Variants in FHIP2A observed in about 807,000 individuals in gnomAD.
FHIP2A encodes the protein FHF complex subunit HOOK interacting protein 2A, also known as family with sequence similarity 160 member B1.
A neutral mutation model predicts 93.5 loss-of-function variants in FHIP2A; 46 were observed. The observed-to-expected ratio is 0.49, with a 90% CI of 0.39 to 0.63. The LOEUF is 0.63. FHIP2A is among the 20% of genes least tolerant of loss of function. The pLI, the probability that FHIP2A is intolerant of heterozygous loss-of-function variation, is 0.00. For missense variants in FHIP2A, 769 were observed against 909.7 expected, an observed-to-expected ratio of 0.85 and a Z score of 1.99; for synonymous variants, 332 against 326.5, an observed-to-expected ratio of 1.02 and a Z score of -0.18.
At chr10:114,859,603 A>G (rs894477935) in intron 14 of FHIP2A, among the ~76,000 whole-genome samples, 3 of 152,216 alleles carry the variant, frequency 2.0e-5, no homozygotes, top group African/African-American at 7.2e-5. Context: ...TAGAAGAAGC[A>G]AACTGGAAGG....
downstream of FHIP2A, among the ~76,000 whole-genome samples, chr10:114,865,442 A>T (rs1224526732): frequency 6.6e-6 from 1 of 152,306 alleles, no homozygotes; most frequent in East Asian, 1.9e-4. Context: ...ACAAACATGT[A>T]ATACACAGCA....
At chr10:114,879,415 T>C (rs1012649290) in intron 16 of FHIP2A, among the ~76,000 whole-genome samples, 18 of 53,266 alleles carry the variant, frequency 3.4e-4, no homozygotes, top group African/African-American at 1.1e-3. Flanking sequence ...ATCTAAAAAA[T>C]GCAATTATAC....
Position 114,864,190 on chromosome 10 carries a change from AT to A in FHIP2A, c.*2654del, listed in dbSNP as rs1183231541. On this transcript the variant is annotated 3_prime_UTR_variant, in exon 17 of 17. Transcript: ENST00000369248. ...GCTAGTGTAAACATTGTTACACTTA[AT>A]TTTACAGGGCACAAATTATGGAATT... 3.0e-6 allele frequency: 3 copies of A among 984,816 alleles called. No individual in the cohort carries two copies. The African/African-American group carries it at 5.2e-5, about 17-fold the overall frequency. The allele number at this position is 984,816 out of a possible 1,614,324, so 61.0% of individuals were successfully genotyped here.
intron 16 of FHIP2A, among the ~76,000 whole-genome samples, chr10:114,881,851 G>A (rs1250555343): frequency 5.3e-5 from 8 of 152,190 alleles, no homozygotes; most frequent in Non-Finnish European, 1.2e-4. Context: ...ACATGACCAG[G>A]TTTATTTGTA....
intron 16 of FHIP2A, among the ~76,000 whole-genome samples, chr10:114,874,169 C>T (rs1244855148): frequency 6.6e-6 from 1 of 152,184 alleles, no homozygotes; most frequent in African/African-American, 2.4e-5. Context: ...TGTTTGGAGA[C>T]AAGAGTGTCT....
At chr10:114,846,749 G>T in intron 11 of FHIP2A, 21 bp downstream of exon 11, 2 of 1,566,518 alleles carry the variant, frequency 1.3e-6, no homozygotes, top group South Asian at 1.2e-5. Context: ...ATCCAACTCC[G>T]TGAGTTCAGC....
intron 5 of FHIP2A, among the ~76,000 whole-genome samples, chr10:114,840,653 T>C (rs2083663513): frequency 6.6e-6 from 1 of 152,162 alleles, no homozygotes; most frequent in Non-Finnish European, 1.5e-5. Context: ...AGACTAGAGG[T>C]AGGCTCTATA....
chr10:114,875,932 G>T (rs1308647093), intron 16 of FHIP2A, among the ~76,000 whole-genome samples: 4 of 135,724 alleles, frequency 2.9e-5, no homozygotes, highest in Non-Finnish European at 6.5e-5. Context: ...AAGAAAGAAA[G>T]AGAAAGAAAA....
chr10:114,843,257 A>G (rs776705478), intron 6 of FHIP2A, 31 bp downstream of exon 6: 14 of 1,419,180 alleles, frequency 9.9e-6, no homozygotes, highest in Admixed American at 8.5e-5. Flanking sequence ...TTTCCCCCCT[A>G]ACATTATTTC....
intron 16 of FHIP2A, among the ~76,000 whole-genome samples, chr10:114,891,229 T>C (rs1272503197): frequency 8.4e-6 from 1 of 118,556 alleles, no homozygotes; most frequent in Non-Finnish European, 1.9e-5. Context: ...AATATATATA[T>C]ATATATATAT....
At chr10:114,867,767 C>G (rs2083837317), downstream of FHIP2A, among the ~76,000 whole-genome samples, 1 of 152,126 alleles carries the variant, frequency 6.6e-6, no homozygotes, top group South Asian at 2.1e-4. Context: ...TTCCTGAAAT[C>G]TAAGCCTGGA....
chr10:114,857,445 G>A (rs1031706135), intron 14 of FHIP2A, among the ~76,000 whole-genome samples: 3 of 151,748 alleles, frequency 2.0e-5, no homozygotes, highest in Non-Finnish European at 4.4e-5. Context: ...GAGTAGCTGG[G>A]ATCACAGGTG....
chr10:114,848,325 T>C (rs912278972), intron 12 of FHIP2A, among the ~76,000 whole-genome samples: 1 of 152,176 alleles, frequency 6.6e-6, no homozygotes, highest in African/African-American at 2.4e-5. Flanking sequence ...TATACAGCAA[T>C]CTGAAGAGGA....
At chr10:114,898,988 T>C (rs574915547) in intron 16 of FHIP2A, among the ~76,000 whole-genome samples, 2 of 152,314 alleles carry the variant, frequency 1.3e-5, no homozygotes, top group South Asian at 4.1e-4. Context: ...ATTTGTATAC[T>C]GACATGTGCC....
chr10:114,822,343 G>T lies in FHIP2A; in HGVS notation c.45+220G>T, dbSNP rs1436606505. On this transcript the variant is annotated intron_variant, in intron 1 of 16. Transcript: ENST00000369248. ...GCGGGGGTCCCGTCGGTCCCTGGCT[G>T]CCCCAGGCCGGCAGTCCCTGCCCTC... Among the ~76,000 whole-genome samples, 17 of 151,762 alleles carry T rather than the reference G, an allele frequency of 1.1e-4. No individual in the cohort carries two copies. In the East Asian group the frequency reaches 2.8e-3, roughly 25 times the overall value.
At chr10:114,894,825 G>A (rs1462807456) in intron 16 of FHIP2A, among the ~76,000 whole-genome samples, 1 of 152,184 alleles carries the variant, frequency 6.6e-6, no homozygotes, top group Non-Finnish European at 1.5e-5. Flanking sequence ...AGAGTGTGTA[G>A]TAGAAAGTGA....
chr10:114,874,629 A>C (rs1459675856), intron 16 of FHIP2A, among the ~76,000 whole-genome samples: 1 of 151,992 alleles, frequency 6.6e-6, no homozygotes, highest in African/African-American at 2.4e-5. Context: ...CTGCCTCCTG[A>C]GCAGCTGGGA....
At chr10:114,894,843 A>T (rs2083992816) in intron 16 of FHIP2A, among the ~76,000 whole-genome samples, 1 of 152,210 alleles carries the variant, frequency 6.6e-6, no homozygotes, top group South Asian at 2.1e-4. Context: ...TGAAAAACAA[A>T]TGTTAATTTC....
At chr10:114,856,265 G>A (rs772985574) in intron 14 of FHIP2A, among the ~76,000 whole-genome samples, 13 of 151,990 alleles carry the variant, frequency 8.6e-5, no homozygotes, top group African/African-American at 1.4e-4. Context: ...TGTTTCTGAC[G>A]GTAATCTCTA....
Sources: gnomAD v4.1 joint callset for allele counts (sites outside exome capture counted in the v4.1 genomes callset) on GRCh38, gnomAD v4.1.1 for gene constraint, MANE v1.5 for transcripts, NCBI Gene and HGNC (gene_info 2026-07-23, HGNC 2026-07-21) for gene names.